The following ITGA2 variants were observed in gnomAD, a reference collection of about 807,000 sequenced individuals.
The protein encoded by ITGA2 is integrin alpha-2.
In ITGA2, 101 loss-of-function variants were observed where a neutral mutation model predicts 146.3. That is an observed-to-expected ratio of 0.69 (90% CI 0.59 to 0.81). ITGA2 has a LOEUF of 0.81. Ranked by LOEUF, ITGA2 falls within the 40% of genes least tolerant of loss-of-function variation. ITGA2 has a pLI of 0.00. For missense variants in ITGA2, 1,281 were observed against 1,402.7 expected, an observed-to-expected ratio of 0.91 and a Z score of 1.39; for synonymous variants, 477 against 487.1, an observed-to-expected ratio of 0.98 and a Z score of 0.27.
rs1740567408 is a variant in ITGA2 at position 53,093,869 on chromosome 5, A to G, written c.*3270A>G. ...TTATGAAGAAACTACAGAGATTTAA[A>G]ATTGTGCATGACTCATTTCAGCAGC... is the stretch of plus-strand genomic sequence containing the variant. On this transcript the variant is annotated 3_prime_UTR_variant, in exon 30 of 30. Coordinates refer to ENST00000296585, the MANE Select transcript of ITGA2 (RefSeq NM_002203.4). The G allele has an allele frequency of 6.6e-6, 1 of 152,648 alleles. No individual in the cohort carries two copies. Among genetic ancestry groups the G allele is most frequent in the African/African-American group, 2.4e-5 (1 of 41,472 alleles). 9.5% of individuals were successfully genotyped at this position (152,648 alleles called of 1,614,324 possible).
chr5:53,005,580 CAAAAA>C (rs5867858), intron 1 of ITGA2, among the ~76,000 whole-genome samples: 2 of 137,306 alleles, frequency 1.5e-5, no homozygotes, highest in Non-Finnish European at 1.6e-5. Context: ...GACTCTGTGT[CAAAAA>C]AAAAAAAAAA....
rs1359738148 is a variant in ITGA2 at position 53,044,996 on chromosome 5, G to C, written c.296-5G>C. 1 of 1,609,842 alleles carries C rather than the reference G, an allele frequency of 6.2e-7. No individual in the cohort carries two copies. The highest frequency in any genetic ancestry group is 2.2e-5 in the East Asian group (1 of 44,798). ...CACTTTTAAAAATTGTTTTCCCTTT[G>C]AAAGCTTCAACAAGCATTCCAAATG... On this transcript the variant is annotated splice_polypyrimidine_tract_variant and splice_region_variant and intron_variant, in intron 3 of 29. Transcript: ENST00000296585.
chr5:53,078,863 T>G lies in ITGA2; in HGVS notation c.2917T>G (p.Phe973Val). ...TGAAGATGTTGGTCCAAAATTCATC[T>G]TCTCCCTGAAGGTTGGTAAGCCTGT... ...SFEDVGPKFI[F>V]SLKVTTGSVP... The change falls in exon 24 of 30, where the codon TTC becomes GTC. Residue 973 changes from phenylalanine (F) to valine (V), a missense_variant. By Grantham distance (50) the Phe-to-Val change is conservative (BLOSUM62 -1). Transcript: ENST00000296585. 2 of 1,597,568 alleles carry G rather than the reference T, an allele frequency of 1.3e-6. No homozygotes were observed. The highest frequency in any genetic ancestry group is 1.7e-6 in the Non-Finnish European group (2 of 1,165,688).
intron 1 of ITGA2, among the ~76,000 whole-genome samples, chr5:53,025,849 C>T (rs1469060174): frequency 2.0e-5 from 3 of 152,182 alleles, no homozygotes; most frequent in Non-Finnish European, 4.4e-5. Context: ...TCCACACAAC[C>T]TTCTTTCTGT....
In ITGA2 at chr5:53,087,040, C is replaced by G. The variant is rs771035051; in HGVS notation, c.3347C>G (p.Thr1116Arg). ...TATGTGATTGAAGATAACACTGTTA[C>G]GGTGAGCATATCACACCCTTCCCTG... Reference protein sequence around the residue: ...EIYVIEDNTVTIPLMIMKPDE... With the variant: ...EIYVIEDNTVRIPLMIMKPDE... The change falls in exon 28 of 30, where the codon ACG (threonine) becomes AGG (arginine). Residue 1116 changes from threonine (T) to arginine (R), a missense_variant and splice_region_variant. Physicochemically the swap from Thr to Arg is moderately conservative, Grantham distance 71 (BLOSUM62 -1). Around this residue, in one of 3 missense-constraint regions of ITGA2, gnomAD observed 475 missense variants for 530.5 expected, o/e 0.90. Coordinates refer to ENST00000296585, the MANE Select transcript of ITGA2 (RefSeq NM_002203.4). 4 of 1,607,072 alleles carry G rather than the reference C, an allele frequency of 2.5e-6. No individual in the cohort carries two copies. The highest frequency in any genetic ancestry group is 3.4e-6 in the Non-Finnish European group (4 of 1,173,964).
intron 27 of ITGA2, 63 bp from the exon 28 acceptor site, chr5:53,086,889 A>C: frequency 7.9e-7 from 1 of 1,265,866 alleles, no homozygotes; most frequent in Non-Finnish European, 1.2e-6. Context: ...AATCATAAGC[A>C]TGCCAGCTTC....
chr5:53,036,769 T>A (rs1032315485), intron 2 of ITGA2, among the ~76,000 whole-genome samples: 1 of 152,110 alleles, frequency 6.6e-6, no homozygotes, highest in African/African-American at 2.4e-5. Context: ...TTTTACTGAT[T>A]TATTCACTAG....
At chr5:53,051,313 C>T (rs187229503) in intron 6 of ITGA2, 98 bp from the exon 7 acceptor site, 11 of 1,257,492 alleles carry the variant, frequency 8.7e-6, no homozygotes, top group Non-Finnish European at 6.9e-6. Flanking sequence ...AGCTACCGGC[C>T]CATGTCTAAA....
chr5:52,990,816 A>G (rs759423938), intron 1 of ITGA2, among the ~76,000 whole-genome samples: 3 of 152,104 alleles, frequency 2.0e-5, no homozygotes, highest in Non-Finnish European at 4.4e-5. Flanking sequence ...TTCTCCGGGA[A>G]CCAGATGAGT....
chr5:53,034,217 TACTG>T (rs1415042161), intron 2 of ITGA2, among the ~76,000 whole-genome samples: 1 of 152,154 alleles, frequency 6.6e-6, no homozygotes, highest in Non-Finnish European at 1.5e-5. Flanking sequence ...TTTAAATACT[TACTG>T]TTAAAAATTT....
At chr5:52,990,908 A>T (rs1470704671) in intron 1 of ITGA2, among the ~76,000 whole-genome samples, 1 of 152,170 alleles carries the variant, frequency 6.6e-6, no homozygotes, top group Admixed American at 6.5e-5. Context: ...CTGGAATACA[A>T]CTAGAGCTAA....
intron 1 of ITGA2, among the ~76,000 whole-genome samples, chr5:53,012,778 TA>T: frequency 6.6e-6 from 1 of 152,304 alleles, no homozygotes; most frequent in African/African-American, 2.4e-5. Flanking sequence ...TTTTACTTTT[TA>T]TTAATAGCCT....
At chr5:53,082,141 A>G (rs1272903725) in intron 26 of ITGA2, among the ~76,000 whole-genome samples, 4 of 152,174 alleles carry the variant, frequency 2.6e-5, no homozygotes, top group Non-Finnish European at 5.9e-5. Flanking sequence ...ATGCTGCTGC[A>G]CTTCTCTGTT....
chr5:53,020,482 A>C (rs1742623323), intron 1 of ITGA2, among the ~76,000 whole-genome samples: 1 of 152,146 alleles, frequency 6.6e-6, no homozygotes, highest in African/African-American at 2.4e-5. Context: ...GTAAGAGTCA[A>C]ATGCAACCCA....
chr5:53,059,043 T>C (rs1166852535), intron 10 of ITGA2, among the ~76,000 whole-genome samples: 1 of 151,948 alleles, frequency 6.6e-6, no homozygotes, highest in Non-Finnish European at 1.5e-5. Context: ...CTTGCTATTT[T>C]TCATGGCTTG....
At chr5:53,024,813 A>G (rs756166562) in intron 1 of ITGA2, among the ~76,000 whole-genome samples, 21 of 152,228 alleles carry the variant, frequency 1.4e-4, no homozygotes, top group Non-Finnish European at 3.1e-4. Context: ...TCGGAAGTGA[A>G]GTCAGAAAGA....
At chr5:53,000,275 T>C (rs955207357) in intron 1 of ITGA2, among the ~76,000 whole-genome samples, 1 of 152,166 alleles carries the variant, frequency 6.6e-6, no homozygotes, top group Admixed American at 6.5e-5. Flanking sequence ...TGAGTATTAA[T>C]TTTATAAATA....
At chr5:53,060,803 TA>T in intron 11 of ITGA2, 97 bp from the exon 12 acceptor site, 1 of 1,181,112 alleles carries the variant, frequency 8.5e-7, no homozygotes, top group Non-Finnish European at 1.3e-6. Context: ...GCATCACATC[TA>T]ACACAAAAGG....
chr5:53,016,793 C>CT (rs1270530867), intron 1 of ITGA2, among the ~76,000 whole-genome samples: 3 of 151,808 alleles, frequency 2.0e-5, no homozygotes, highest in Non-Finnish European at 2.9e-5. Context: ...CTTTTTTATT[C>CT]TTTTTTCTTT....
Sources: gnomAD v4.1 joint callset for allele counts (sites outside exome capture counted in the v4.1 genomes callset) on GRCh38, gnomAD v4.1.1 for gene constraint, gnomAD v4.1.1 regional missense constraint, MANE v1.5 for transcripts, NCBI Gene and HGNC (gene_info 2026-07-23, HGNC 2026-07-21) for gene names.